The following AMMECR1 variants were observed in gnomAD, a reference collection of about 807,000 sequenced individuals.
The protein encoded by AMMECR1 is nuclear protein AMMECR1.
In AMMECR1, 3 loss-of-function variants were observed where a neutral mutation model predicts 22.5. The observed-to-expected ratio is 0.13, with a 90% CI of 0.06 to 0.35. AMMECR1 has a LOEUF of 0.35. Ranked by LOEUF, AMMECR1 falls within the 10% of genes least tolerant of loss-of-function variation. AMMECR1 has a pLI of 1.00. For missense variants in AMMECR1, 235 were observed against 278.7 expected (o/e 0.84, Z 1.12); for synonymous variants, 130 against 116.7 (o/e 1.11, Z -0.74).
chrX:110,424,953 CA>C (rs2068743739), intron 2 of AMMECR1, among the ~76,000 whole-genome samples: 1 of 111,581 alleles, frequency 9.0e-6, no homozygotes, highest in African/African-American at 3.3e-5. Context: ...TTAGTCTTGA[CA>C]ACAGTATTCT....
At chrX:110,425,694 A>G (rs1055006031) in intron 2 of AMMECR1, among the ~76,000 whole-genome samples, 1 of 112,138 alleles carries the variant, frequency 8.9e-6, no homozygotes, top group African/African-American at 3.2e-5. Context: ...AGCAAGTACT[A>G]TTATTTCCCC....
At chrX:110,394,625 G>A (rs1035969282) in intron 2 of AMMECR1, among the ~76,000 whole-genome samples, 1 of 112,758 alleles carries the variant, frequency 8.9e-6, no homozygotes, top group Non-Finnish European at 1.9e-5. Flanking sequence ...TGTCAAGGAC[G>A]TTCAGTGAGG....
chrX:110,264,313 T>C (rs997036587), intron 2 of AMMECR1, among the ~76,000 whole-genome samples, 176 bp downstream of exon 2: 1 of 111,189 alleles, frequency 9.0e-6, no homozygotes, highest in Non-Finnish European at 1.9e-5. Context: ...TATGGTAATA[T>C]ATATCAATAA....
At chrX:110,345,537 A>T (rs1239548518) in intron 2 of AMMECR1, among the ~76,000 whole-genome samples, 2 of 109,508 alleles carry the variant, frequency 1.8e-5, no homozygotes, top group African/African-American at 6.6e-5. Flanking sequence ...AAAACTTGAA[A>T]ATAGTAATAC....
intron 2 of AMMECR1, among the ~76,000 whole-genome samples, chrX:110,350,441 C>T (rs2068206955): frequency 9.0e-6 from 1 of 111,728 alleles, no homozygotes. Context: ...ACTGGAAGTT[C>T]TCAACAGGGC....
chrX:110,369,085 C>A (rs2068318369), intron 2 of AMMECR1, among the ~76,000 whole-genome samples: 1 of 112,137 alleles, frequency 8.9e-6, no homozygotes, highest in Non-Finnish European at 1.9e-5. Context: ...GTAATCCCAG[C>A]ACTTTGGGAG....
intron 2 of AMMECR1, among the ~76,000 whole-genome samples, chrX:110,229,001 G>A (rs1162202523): frequency 1.8e-5 from 2 of 112,417 alleles, no homozygotes; most frequent in African/African-American, 3.2e-5. Context: ...GGTTGTGCGT[G>A]TATAACTACA....
intron 2 of AMMECR1, among the ~76,000 whole-genome samples, chrX:110,357,592 T>A (rs946786027): frequency 4.4e-5 from 5 of 112,483 alleles, no homozygotes; most frequent in African/African-American, 1.6e-4. Flanking sequence ...TCTTTGGGCA[T>A]GAAATATATT....
At chrX:110,228,544 T>G (rs777508510) in intron 2 of AMMECR1, among the ~76,000 whole-genome samples, 1 of 111,464 alleles carries the variant, frequency 9.0e-6, no homozygotes, top group African/African-American at 3.3e-5. Flanking sequence ...ATGTTCAAGA[T>G]GCAAAGAGGA....
intron 2 of AMMECR1, among the ~76,000 whole-genome samples, chrX:110,387,051 CA>C (rs779769699): frequency 1.2e-4 from 14 of 112,083 alleles, no homozygotes; most frequent in South Asian, 7.4e-4. Flanking sequence ...CTGAGGTGGT[CA>C]GGGGAAGCTT....
intron 1 of AMMECR1, among the ~76,000 whole-genome samples, chrX:110,271,120 A>G (rs1007493378): frequency 2.3e-4 from 26 of 111,736 alleles, no homozygotes; most frequent in African/African-American, 7.5e-4. Context: ...GCACTAAGTC[A>G]CCACTGTATC....
chrX:110,390,503 T>C (rs2068487352), intron 2 of AMMECR1, among the ~76,000 whole-genome samples: 1 of 111,896 alleles, frequency 8.9e-6, no homozygotes, highest in African/African-American at 3.2e-5. Context: ...AAATATTTTA[T>C]CTTGAAATCA....
At chrX:110,382,438 A>G (rs2068426883) in intron 2 of AMMECR1, among the ~76,000 whole-genome samples, 1 of 111,680 alleles carries the variant, frequency 9.0e-6, no homozygotes, top group Non-Finnish European at 1.9e-5. Flanking sequence ...TTAAAAGAGC[A>G]GAAGAGAAAC....
rs1168177299 is a variant in AMMECR1, at chrX:110,197,774, A to G, written c.*746T>C. Reference sequence around the variant, plus strand: ...GTTTTAGTTTGCAAATTGGTTCTATAAAGTGGTGAGGCAGTCTCTTCTATG... The same window carrying G: ...GTTTTAGTTTGCAAATTGGTTCTATGAAGTGGTGAGGCAGTCTCTTCTATG... On this transcript the variant is annotated 3_prime_UTR_variant, in exon 6 of 6. Transcript: ENST00000262844. 1.8e-5 allele frequency: 2 copies of G among 111,987 alleles called. No homozygotes were observed. The highest frequency in any genetic ancestry group is 1.9e-4 in the Admixed American group (2 of 10,534). The allele number at this position is 111,987 out of a possible 1,213,427, so 9.2% of individuals were successfully genotyped here. A position where few individuals can be genotyped will look rare whatever the true frequency, so the allele number is the denominator to read the frequency against.
chrX:110,241,786 C>T (rs1025970075), intron 2 of AMMECR1, among the ~76,000 whole-genome samples: 3 of 111,068 alleles, frequency 2.7e-5, no homozygotes, highest in Admixed American at 9.5e-5. Context: ...TATAGACCGA[C>T]ACACAAAAAA....
chrX:110,255,478 A>G (rs17327182), intron 2 of AMMECR1, among the ~76,000 whole-genome samples: 263 of 111,707 alleles, frequency 2.4e-3, no homozygotes, highest in Non-Finnish European at 4.0e-3. Context: ...ATCTTAGAAG[A>G]ATGGTTTAGG....
chrX:110,222,427 C>T (rs1327327863), intron 2 of AMMECR1, among the ~76,000 whole-genome samples: 2 of 80,303 alleles, frequency 2.5e-5, no homozygotes, highest in Non-Finnish European at 4.7e-5. Context: ...AGGGGAATAT[C>T]ACACTCTGGG....
At position 110,305,716 on chromosome X, in the gene AMMECR1, A is replaced by G. The variant is rs932005223; in HGVS notation, c.473+11883T>C. On this transcript the variant is annotated intron_variant, in intron 1 of 5. Transcript: ENST00000262844. ...TTATATAGTCTATATATACACATAT[A>G]GACTTAACGGCCTTACTTATAATAT... is the stretch of plus-strand genomic sequence containing the variant. Among the ~76,000 whole-genome samples, 41 of 111,872 alleles carry G rather than the reference A, an allele frequency of 3.7e-4. 1 individual carries two copies. Among genetic ancestry groups the G allele is most frequent in the African/African-American group, 1.1e-3 (33 of 30,742 alleles).
At chrX:110,370,705 A>G (rs929157031) in intron 2 of AMMECR1, among the ~76,000 whole-genome samples, 1 of 112,595 alleles carries the variant, frequency 8.9e-6, no homozygotes, top group East Asian at 2.8e-4. Context: ...TGGTAATTTA[A>G]AAAAGTGAAG....
Sources: allele counts gnomAD v4.1 joint callset (sites outside exome capture counted in the v4.1 genomes callset), GRCh38; gene constraint gnomAD v4.1.1; transcripts MANE v1.5; gene names NCBI Gene and HGNC (gene_info 2026-07-23, HGNC 2026-07-21).